Variants in SPHKAP observed in about 807,000 individuals in gnomAD.
SPHKAP encodes SPHK1 interactor, AKAP domain containing.
SPHKAP carries 67 observed loss-of-function variants against 137.5 expected under a neutral mutation model. That is an observed-to-expected ratio of 0.49 (90% confidence interval 0.40 to 0.60). The LOEUF (loss-of-function observed/expected upper bound fraction) is 0.60, where lower values mean the gene tolerates loss of function less well. SPHKAP is among the 20% of genes least tolerant of loss of function. The pLI, the probability that SPHKAP is intolerant of heterozygous loss-of-function variation, is 0.00. For synonymous variants in SPHKAP, 813 were observed against 785.3 expected, an observed-to-expected ratio of 1.04 and a Z score of -0.59; for missense variants, 2,097 against 2,069.3, an observed-to-expected ratio of 1.01 and a Z score of -0.26.
chr2:228,015,696 G>A (rs929188368), intron 7 of SPHKAP, among the ~76,000 whole-genome samples: 1 of 152,162 alleles, frequency 6.6e-6, no homozygotes, highest in East Asian at 1.9e-4. Context: ...CAATACTTCA[G>A]TGTTGCTTTG....
chr2:228,151,556 A>C (rs1224927248), intron 1 of SPHKAP, among the ~76,000 whole-genome samples: 2 of 152,136 alleles, frequency 1.3e-5, no homozygotes, highest in Admixed American at 1.3e-4. Flanking sequence ...TTAACATTGT[A>C]AAAGTGTTCC....
chr2:228,076,357 G>A (rs1269304688), intron 3 of SPHKAP, among the ~76,000 whole-genome samples: 1 of 152,198 alleles, frequency 6.6e-6, no homozygotes, highest in African/African-American at 2.4e-5. Flanking sequence ...ACAGGCAGAG[G>A]TTGGAACAGT....
At chr2:228,062,481 C>G (rs1247838322) in intron 3 of SPHKAP, among the ~76,000 whole-genome samples, 1 of 152,140 alleles carries the variant, frequency 6.6e-6, no homozygotes, top group Non-Finnish European at 1.5e-5. Context: ...CGGTCTCCAC[C>G]ATTTCCTATC....
intron 11 of SPHKAP, among the ~76,000 whole-genome samples, chr2:227,985,490 T>G (rs971096357): frequency 6.6e-6 from 1 of 152,216 alleles, no homozygotes; most frequent in African/African-American, 2.4e-5. Context: ...TGCCTGTTCA[T>G]GCTATTGCCT....
intron 3 of SPHKAP, among the ~76,000 whole-genome samples, chr2:228,028,344 T>C (rs1284850331): frequency 2.6e-5 from 4 of 152,256 alleles, no homozygotes; most frequent in African/African-American, 9.6e-5. Context: ...TTTTAGTTCA[T>C]TTTACTTTAT....
At chr2:228,118,244 T>A (rs1455751227) in intron 2 of SPHKAP, among the ~76,000 whole-genome samples, 1 of 65,244 alleles carries the variant, frequency 1.5e-5, no homozygotes, top group African/African-American at 4.8e-5. Flanking sequence ...TACACAGTTT[T>A]TTTTTTTTTT....
chr2:228,009,491 T>C (rs552388357), intron 7 of SPHKAP, among the ~76,000 whole-genome samples: 1 of 152,312 alleles, frequency 6.6e-6, no homozygotes, highest in East Asian at 1.9e-4. Context: ...TTGTTTCCCT[T>C]CGTTCAAAGT....
At chr2:228,115,736 G>T (rs1409792910) in intron 2 of SPHKAP, among the ~76,000 whole-genome samples, 2 of 152,044 alleles carry the variant, frequency 1.3e-5, no homozygotes, top group Non-Finnish European at 2.9e-5. Flanking sequence ...CACTGTGGTG[G>T]GTATCATGAA....
chr2:227,989,421 T>A (rs928402362), intron 11 of SPHKAP, among the ~76,000 whole-genome samples: 2 of 152,118 alleles, frequency 1.3e-5, no homozygotes, highest in Non-Finnish European at 2.9e-5. Context: ...CAATAAGACA[T>A]GAAAATCCTA....
At position 227,980,825 on chromosome 2, in the gene SPHKAP, G is replaced by A. The variant is rs1383583460; in HGVS notation, c.*892C>T. ...AATCTCTTCATATTTTAGGAAGCTT[G>A]AAGCTAACTCAATATATTATTTAAG... On this transcript the variant is annotated 3_prime_UTR_variant, in exon 12 of 12. Transcript: ENST00000392056. 1 of 152,144 alleles carries A rather than the reference G, an allele frequency of 6.6e-6. No homozygotes were observed. The highest frequency in any genetic ancestry group is 1.9e-4 in the East Asian group (1 of 5,192). 9.4% of individuals were successfully genotyped at this position (152,144 alleles called of 1,614,324 possible). A position where few individuals can be genotyped will look rare whatever the true frequency, so the allele number is the denominator to read the frequency against.
At chr2:228,112,989 GA>G (rs926248175) in intron 2 of SPHKAP, among the ~76,000 whole-genome samples, 20 of 152,184 alleles carry the variant, frequency 1.3e-4, no homozygotes, top group East Asian at 5.8e-4. Flanking sequence ...TGCTTTAGAA[GA>G]AACGGAAGCA....
intron 3 of SPHKAP, among the ~76,000 whole-genome samples, chr2:228,029,222 A>G (rs1420134176): frequency 6.6e-6 from 1 of 152,238 alleles, no homozygotes; most frequent in East Asian, 1.9e-4. Flanking sequence ...TGATGTTACA[A>G]AACTGAGAAC....
intron 1 of SPHKAP, among the ~76,000 whole-genome samples, chr2:228,166,374 G>T: frequency 6.6e-6 from 1 of 152,086 alleles, no homozygotes; most frequent in East Asian, 1.9e-4. Context: ...CATTTAGTAT[G>T]ACACCTAGAC....
chr2:228,176,197 G>T (rs1700734581), intron 1 of SPHKAP, among the ~76,000 whole-genome samples: 1 of 152,158 alleles, frequency 6.6e-6, no homozygotes, highest in African/African-American at 2.4e-5. Flanking sequence ...AAGAGTTTCT[G>T]TAAGTATAAT....
chr2:227,993,037 C>T (rs1423684963), intron 9 of SPHKAP, among the ~76,000 whole-genome samples: 1 of 152,110 alleles, frequency 6.6e-6, no homozygotes, highest in African/African-American at 2.4e-5. Flanking sequence ...TTAAGGAAGT[C>T]CCCATATTGT....
intron 5 of SPHKAP, among the ~76,000 whole-genome samples, chr2:228,022,815 T>C (rs750565845): frequency 6.6e-6 from 1 of 152,202 alleles, no homozygotes; most frequent in Non-Finnish European, 1.5e-5. Flanking sequence ...GTTTCTCAGA[T>C]CAGTATCTTT....
chr2:228,112,269 T>G (rs1698544248), intron 2 of SPHKAP, among the ~76,000 whole-genome samples: 1 of 152,138 alleles, frequency 6.6e-6, no homozygotes, highest in Non-Finnish European at 1.5e-5. Flanking sequence ...TAAGATCAAG[T>G]GTAAAATACA....
At chr2:228,144,579 T>A (rs1699713888) in intron 1 of SPHKAP, among the ~76,000 whole-genome samples, 1 of 152,010 alleles carries the variant, frequency 6.6e-6, no homozygotes, top group Non-Finnish European at 1.5e-5. Flanking sequence ...TATATACTAT[T>A]TTGTGACTAG....
At chr2:228,054,542 G>T (rs771007873) in intron 3 of SPHKAP, among the ~76,000 whole-genome samples, 4 of 152,080 alleles carry the variant, frequency 2.6e-5, no homozygotes, top group Non-Finnish European at 4.4e-5. Context: ...TAATTTAGTT[G>T]TCCTCAACTG....
Sources: gnomAD v4.1 joint callset for allele counts (sites outside exome capture counted in the v4.1 genomes callset) on GRCh38, gnomAD v4.1.1 for gene constraint, MANE v1.5 for transcripts, NCBI Gene and HGNC (gene_info 2026-07-23, HGNC 2026-07-21) for gene names.